PIWIL1: variants seen among roughly 807,000 people sequenced by gnomAD.
PIWIL1 encodes the protein piwi like RNA-mediated gene silencing 1.
A neutral mutation model predicts 114.4 loss-of-function variants in PIWIL1; 73 were observed. The ratio of observed to expected loss-of-function variants is 0.64; its 90% CI spans 0.53 to 0.78. PIWIL1 has a LOEUF of 0.78. Ranked by LOEUF, PIWIL1 falls within the 30% of genes least tolerant of loss-of-function variation. The probability of loss-of-function intolerance (pLI) is 0.00; values close to 1 mark genes in which losing one functional copy is unlikely to be tolerated. For missense variants in PIWIL1, 723 were observed against 1,063.1 expected (o/e 0.68, Z 4.45); for synonymous variants, 375 against 369.0 (o/e 1.02, Z -0.19).
the PIWIL1 span, chr12:130,421,115 G>A: frequency 3.1e-3 from 470 of 152,254 alleles, 2 homozygotes; most frequent in African/African-American, 0.011. Flanking sequence ...ATCTCGGACA[G>A]GTCATTTAAC....
chr12:130,338,094 G>A lies in PIWIL1; in HGVS notation c.-65G>A, dbSNP rs893206639. Reference sequence around the variant, plus strand: ...CTCCGCGGGAGCCGTTGGGGCTGTTGGCCTCGGGCTGAGGTGCAAGGACCA... The same window carrying A: ...CTCCGCGGGAGCCGTTGGGGCTGTTAGCCTCGGGCTGAGGTGCAAGGACCA... On this transcript the variant is annotated 5_prime_UTR_variant, in exon 1 of 21. Coordinates refer to ENST00000245255, the MANE Select transcript of PIWIL1 (RefSeq NM_004764.5). The A allele has an allele frequency of 2.3e-5, 5 of 214,764 alleles. No individual in the cohort carries two copies. The highest frequency in any genetic ancestry group is 3.7e-5 in the Non-Finnish European group (4 of 107,640). 13.3% of individuals were successfully genotyped at this position (214,764 alleles called of 1,614,324 possible).
At chr12:130,388,519 T>C in the PIWIL1 span, among the ~76,000 whole-genome samples, 3 of 152,234 alleles carry the variant, frequency 2.0e-5, no homozygotes, top group Admixed American at 2.0e-4. Flanking sequence ...TTAAATTGCA[T>C]AGAATCAATA....
chr12:130,339,104 G>GC (rs1432388393), intron 1 of PIWIL1, among the ~76,000 whole-genome samples: 1 of 152,068 alleles, frequency 6.6e-6, no homozygotes, highest in Non-Finnish European at 1.5e-5. Flanking sequence ...GCTGCGCTGC[G>GC]CCCCCGGGAG....
At position 130,347,239 on chromosome 12, in the gene PIWIL1, A is replaced by G. The variant is rs149520726; in HGVS notation, c.653+177A>G. Among the ~76,000 whole-genome samples the G allele has an allele frequency of 1.6e-3, 241 of 152,308 alleles. 2 individuals carry two copies. In the East Asian group the frequency reaches 0.034, roughly 21 times the overall value. ...ATAGAAAATTCATCTATTTGCTTTA[A>G]GCAAGTATCCTGCCTTTACTTCCCT... On this transcript the variant is annotated intron_variant, in intron 6 of 20. Transcript: ENST00000245255.
intron 18 of PIWIL1, chr12:130,366,729 C>G (rs1165169520): frequency 6.2e-6 from 1 of 161,350 alleles, no homozygotes; most frequent in African/African-American, 2.4e-5. Context: ...TTTTGAAAAG[C>G]ACTACTTAAA....
At chr12:130,422,568 A>G in the PIWIL1 span, 1 of 1,585,810 alleles carries the variant, frequency 6.3e-7, no homozygotes, top group Non-Finnish European at 8.6e-7. This position sits in a 1 kb window ranked among gnomAD's most constrained non-coding sequence, Gnocchi z 5.2. Flanking sequence ...AAATCTAAAG[A>G]CAAAACAACA....
At chr12:130,422,616 A>T in the PIWIL1 span, 4 of 1,267,596 alleles carry the variant, frequency 3.2e-6, no homozygotes, top group Non-Finnish European at 4.5e-6. The surrounding 1 kb of genome is among the most constrained non-coding windows in gnomAD (Gnocchi z 5.2). Flanking sequence ...GGAACTGAAG[A>T]ATTCAGTTAG....
At chr12:130,388,635 A>G in the PIWIL1 span, among the ~76,000 whole-genome samples, 1 of 152,110 alleles carries the variant, frequency 6.6e-6, no homozygotes, top group African/African-American at 2.4e-5. Context: ...TTCATCATAA[A>G]GTTTCATAAT....
chr12:130,414,942 G>T, the PIWIL1 span, among the ~76,000 whole-genome samples: 1 of 152,220 alleles, frequency 6.6e-6, no homozygotes, highest in South Asian at 2.1e-4. Flanking sequence ...CAATATTGAT[G>T]AAATGAATTC....
At chr12:130,416,248 AAAG>A in the PIWIL1 span, among the ~76,000 whole-genome samples, 3 of 152,220 alleles carry the variant, frequency 2.0e-5, no homozygotes, top group South Asian at 4.1e-4. Flanking sequence ...TGGAACCAAA[AAAG>A]AGCCCAAATA....
the PIWIL1 span, among the ~76,000 whole-genome samples, chr12:130,408,252 T>G: frequency 1.3e-5 from 2 of 152,320 alleles, no homozygotes; most frequent in East Asian, 1.9e-4. Flanking sequence ...AGTGCCTGTT[T>G]GTGTAACTAT....
chr12:130,367,323 C>G, intron 19 of PIWIL1, 65 bp downstream of exon 19: 5 of 1,398,818 alleles, frequency 3.6e-6, no homozygotes, highest in Non-Finnish European at 4.8e-6. Context: ...AGCATGGCCC[C>G]TATGCTTTAC....
At chr12:130,402,623 C>T in the PIWIL1 span, among the ~76,000 whole-genome samples, 35 of 152,202 alleles carry the variant, frequency 2.3e-4, no homozygotes, top group African/African-American at 7.7e-4. Flanking sequence ...TTCTCTCCTA[C>T]GCCTCATTTC....
chr12:130,374,592 A>G (rs183648420), downstream of PIWIL1, among the ~76,000 whole-genome samples: 598 of 152,224 alleles, frequency 3.9e-3, 2 homozygotes, highest in Non-Finnish European at 6.1e-3. Context: ...GCTGCCCTTC[A>G]AGCACCCTGT....
chr12:130,377,034 C>T (rs2073872061), downstream of PIWIL1, among the ~76,000 whole-genome samples: 1 of 152,160 alleles, frequency 6.6e-6, no homozygotes, highest in Admixed American at 6.5e-5. Context: ...CCTCTGTGAC[C>T]ACCCCCTGTG....
the PIWIL1 span, chr12:130,383,850 T>C: frequency 3.6e-4 from 55 of 152,324 alleles, no homozygotes; most frequent in African/African-American, 1.3e-3. Context: ...AAAACACAAA[T>C]CTCTGTCATT....
At chr12:130,384,782 C>T in the PIWIL1 span, among the ~76,000 whole-genome samples, 1 of 150,982 alleles carries the variant, frequency 6.6e-6, no homozygotes, top group Non-Finnish European at 1.5e-5. Flanking sequence ...CTAATGCCTC[C>T]CAACATGTTA....
At position 130,348,167 on chromosome 12, in the gene PIWIL1, G is replaced by A; in HGVS notation, c.718G>A (p.Asp240Asn). Residue 240 changes from aspartate to asparagine, a missense_variant, in exon 7 of 21, where the codon GAT (aspartate) becomes AAT (asparagine). Around this residue, in one of 8 missense-constraint regions of PIWIL1, gnomAD observed 190 missense variants for 294.4 expected, o/e 0.65. Transcript: ENST00000245255. ...TTATTATAACCCAAATGACCCAATTGATATTCCAAGTCACAGGTTTGTATG... is the reference window on the plus strand; with the variant it reads ...TTATTATAACCCAAATGACCCAATTAATATTCCAAGTCACAGGTTTGTATG... Reference protein sequence around the residue: ...RNYYNPNDPIDIPSHRLVIWP... With the variant: ...RNYYNPNDPINIPSHRLVIWP... 6.3e-7 allele frequency: 1 copy of A among 1,597,038 alleles called. No homozygotes were observed. The highest frequency in any genetic ancestry group is 8.6e-7 in the Non-Finnish European group (1 of 1,165,392).
At chr12:130,375,211 C>T (rs1038373067), downstream of PIWIL1, among the ~76,000 whole-genome samples, 7 of 152,262 alleles carry the variant, frequency 4.6e-5, no homozygotes, top group African/African-American at 9.6e-5. Context: ...TAAAACACAC[C>T]GGTGAAGTCC....
Sources: allele counts gnomAD v4.1 joint callset (sites outside exome capture counted in the v4.1 genomes callset), GRCh38; gene constraint gnomAD v4.1.1; regional missense constraint gnomAD v4.1.1; non-coding constraint Gnocchi (gnomAD v3.1); transcripts MANE v1.5; gene names NCBI Gene and HGNC (gene_info 2026-07-23, HGNC 2026-07-21).